ULK4: variants seen among roughly 807,000 people sequenced by gnomAD.
ULK4 encodes the protein unc-51 like kinase 4.
Under a neutral mutation model 160.6 loss-of-function variants are expected in ULK4, and 133 were observed. That is an observed-to-expected ratio of 0.83 (90% confidence interval 0.72 to 0.96). The LOEUF (loss-of-function observed/expected upper bound fraction) is 0.96. Ranked by LOEUF, ULK4 falls within the 40% of genes least tolerant of loss-of-function variation. The probability of loss-of-function intolerance (pLI) is 0.00; values close to 1 mark genes in which losing one functional copy is unlikely to be tolerated. For missense variants in ULK4, 1,580 were observed against 1,499.5 expected, an observed-to-expected ratio of 1.05 and a Z score of -0.89; for synonymous variants, 534 against 539.8, an observed-to-expected ratio of 0.99 and a Z score of 0.15.
intron 12 of ULK4, among the ~76,000 whole-genome samples, chr3:41,904,261 C>T (rs570613984): frequency 3.8e-4 from 58 of 152,130 alleles, no homozygotes; most frequent in African/African-American, 1.4e-3. Flanking sequence ...GGGGAAACCT[C>T]TACTAAAAAT....
rs777981285 is a variant in ULK4 at position 41,907,855 on chromosome 3, G to T, written c.1172C>A (p.Pro391His). The change falls in exon 12 of 37, where the codon CCT becomes CAT. Residue 391 changes from proline (P) to histidine (H), a missense_variant. Coordinates refer to ENST00000301831, the MANE Select transcript of ULK4 (RefSeq NM_017886.4). ...CCCAAGTCTGCTCACCTTGGTCAGAGGAGAAGTCTTCTGTGGTGAACAGTG... is the reference window on the plus strand; with the variant it reads ...CCCAAGTCTGCTCACCTTGGTCAGATGAGAAGTCTTCTGTGGTGAACAGTG... ...MTHCSPQKTS[P>H]LTKITSGHLS... The T allele has an allele frequency of 5.0e-6, 8 of 1,587,342 alleles. No homozygotes were observed. The highest frequency in any genetic ancestry group is 6.8e-6 in the Non-Finnish European group (8 of 1,168,360).
At chr3:41,661,844 AC>A (rs2035182231) in intron 30 of ULK4, among the ~76,000 whole-genome samples, 1 of 152,142 alleles carries the variant, frequency 6.6e-6, no homozygotes, top group South Asian at 2.1e-4. Context: ...GTCTCTAATC[AC>A]TTTTAAGATA....
At chr3:41,831,532 T>TATATATATATATATATATA (rs577123829) in intron 18 of ULK4, among the ~76,000 whole-genome samples, 5 of 125,886 alleles carry the variant, frequency 4.0e-5, no homozygotes, top group East Asian at 4.9e-4. Context: ...TATATATATA[T>TATATATATATATATATATA]TTTTTTTTCT....
chr3:41,721,255 A>ATTTTTTTTTT (rs67078042), intron 22 of ULK4, among the ~76,000 whole-genome samples: 3 of 45,040 alleles, frequency 6.7e-5, no homozygotes, highest in Non-Finnish European at 1.1e-4. Flanking sequence ...TTCGCTTTGA[A>ATTTTTTTTTT]TTTTTTTTTT....
At chr3:41,296,434 G>C (rs1454537447) in intron 35 of ULK4, among the ~76,000 whole-genome samples, 1 of 152,178 alleles carries the variant, frequency 6.6e-6, no homozygotes, top group African/African-American at 2.4e-5. Flanking sequence ...CCTGGTGCGT[G>C]CTCGAGGCCA....
intron 32 of ULK4, among the ~76,000 whole-genome samples, chr3:41,550,156 T>A (rs967763870): frequency 9.9e-5 from 15 of 151,672 alleles, no homozygotes; most frequent in African/African-American, 3.4e-4. Flanking sequence ...GCAGAAAAAA[T>A]TCAAATGCAA....
chr3:41,654,604 T>C (rs1179404348), intron 30 of ULK4, among the ~76,000 whole-genome samples: 1 of 152,176 alleles, frequency 6.6e-6, no homozygotes. Context: ...AGGGAGTCTT[T>C]AAAAAGCTTT....
At chr3:41,900,126 C>T (rs1349074126) in intron 13 of ULK4, among the ~76,000 whole-genome samples, 4 of 152,144 alleles carry the variant, frequency 2.6e-5, no homozygotes, top group Non-Finnish European at 5.9e-5. Flanking sequence ...TCATTATCCC[C>T]TAGCAATAAA....
intron 35 of ULK4, among the ~76,000 whole-genome samples, chr3:41,350,798 A>T (rs2080894583): frequency 6.6e-6 from 1 of 152,204 alleles, no homozygotes; most frequent in Non-Finnish European, 1.5e-5. Context: ...AGAAATGTGC[A>T]GATTTCTTTT....
chr3:41,935,913 T>C lies in ULK4; in HGVS notation c.266A>G (p.Gln89Arg). 6.2e-7 allele frequency: 1 copy of C among 1,613,908 alleles called. No individual in the cohort carries two copies. Among genetic ancestry groups the C allele is most frequent in the Non-Finnish European group, 8.5e-7 (1 of 1,179,954 alleles). ...TGGSLKTVIA[Q>R]DENLPEDVVR... ...AACATCTTCTGGGAGGTTTTCATCT[T>C]GAGCAATAACTGTTTTTAAGGAACC... Residue 89 changes from glutamine (Q) to arginine (R), a missense_variant, in exon 4 of 37, where the codon CAA (glutamine) becomes CGA (arginine). Gln to Arg is a conservative substitution (Grantham distance 43, BLOSUM62 1). Transcript: ENST00000301831.
chr3:41,687,499 A>G (rs2036141324), intron 27 of ULK4, among the ~76,000 whole-genome samples: 3 of 152,220 alleles, frequency 2.0e-5, no homozygotes, highest in African/African-American at 7.2e-5. Context: ...TTAAGGCACA[A>G]GGTTAAATTT....
chr3:41,902,703 T>TA (rs1333026337), intron 12 of ULK4, among the ~76,000 whole-genome samples: 1 of 150,836 alleles, frequency 6.6e-6, no homozygotes, highest in East Asian at 1.9e-4. Flanking sequence ...ACTTTCATGG[T>TA]AAAAAGACAG....
At chr3:41,800,955 T>C (rs1374761843) in intron 19 of ULK4, among the ~76,000 whole-genome samples, 1 of 152,160 alleles carries the variant, frequency 6.6e-6, no homozygotes, top group Non-Finnish European at 1.5e-5. Context: ...TCCAATGATA[T>C]AAAATTCGCA....
chr3:41,267,613 AGAG>A (rs1389783081), intron 35 of ULK4, among the ~76,000 whole-genome samples: 4 of 152,290 alleles, frequency 2.6e-5, no homozygotes, highest in Non-Finnish European at 5.9e-5. Context: ...ACCCTGAAAT[AGAG>A]GATATGATGG....
chr3:41,464,491 G>T (rs867122667), intron 32 of ULK4, among the ~76,000 whole-genome samples: 19 of 152,178 alleles, frequency 1.2e-4, no homozygotes, highest in Middle Eastern at 3.4e-3. Context: ...AAATGACAAG[G>T]TCTGATAACC....
At chr3:41,784,420 A>G (rs1248910950) in intron 21 of ULK4, among the ~76,000 whole-genome samples, 2 of 152,178 alleles carry the variant, frequency 1.3e-5, no homozygotes, top group Admixed American at 6.6e-5. Context: ...GAAATCAAGC[A>G]AAACTCCGTC....
At chr3:41,463,456 C>T (rs1371331835) in intron 32 of ULK4, among the ~76,000 whole-genome samples, 2 of 152,134 alleles carry the variant, frequency 1.3e-5, no homozygotes, top group East Asian at 1.9e-4. Context: ...TAGGAAAATA[C>T]TTGTTAAAGA....
chr3:41,910,804 T>C (rs570647918), intron 11 of ULK4, among the ~76,000 whole-genome samples: 8 of 151,834 alleles, frequency 5.3e-5, no homozygotes, highest in African/African-American at 9.7e-5. Flanking sequence ...ACACCATCTC[T>C]ACAAAAAAAT....
chr3:41,562,090 C>T (rs1488830899), intron 32 of ULK4, among the ~76,000 whole-genome samples: 2 of 152,184 alleles, frequency 1.3e-5, no homozygotes, highest in Non-Finnish European at 1.5e-5. Flanking sequence ...CAAAGAACAT[C>T]TTTATTTCTG....
Sources: allele counts gnomAD v4.1 joint callset (sites outside exome capture counted in the v4.1 genomes callset), GRCh38; gene constraint gnomAD v4.1.1; transcripts MANE v1.5; gene names NCBI Gene and HGNC (gene_info 2026-07-23, HGNC 2026-07-21).